Variants in TSHZ2 observed in about 807,000 individuals in gnomAD.
TSHZ2 encodes teashirt zinc finger homeobox 2.
In TSHZ2, 21 loss-of-function variants were observed where a neutral mutation model predicts 74.4. That is an observed-to-expected ratio of 0.28 (90% CI 0.20 to 0.41). The LOEUF is 0.41. Among genes scored for constraint, TSHZ2 ranks in the 10% least tolerant of loss-of-function variants. TSHZ2 has a pLI of 1.00. For synonymous variants in TSHZ2, 540 were observed against 515.3 expected (o/e 1.05, Z -0.65); for missense variants, 1,244 against 1,293.5 (o/e 0.96, Z 0.59).
At chr20:53,088,451 C>A (rs1292294277) in intron 1 of TSHZ2, among the ~76,000 whole-genome samples, 1 of 152,172 alleles carries the variant, frequency 6.6e-6, no homozygotes, top group Non-Finnish European at 1.5e-5. Context: ...AACAAATTGG[C>A]ATTAACTGAT....
intron 1 of TSHZ2, among the ~76,000 whole-genome samples, chr20:53,179,714 G>T (rs1988426467): frequency 6.6e-6 from 1 of 152,176 alleles, no homozygotes. Flanking sequence ...CGCTTGACCA[G>T]CACTGCTTCC....
chr20:53,117,394 C>G (rs538676668), intron 1 of TSHZ2, among the ~76,000 whole-genome samples: 42 of 152,294 alleles, frequency 2.8e-4, no homozygotes, highest in African/African-American at 9.6e-4. Flanking sequence ...AGGTATCAGG[C>G]TCTGTTCTAG....
chr20:53,481,630 A>C (rs894347371), intron 2 of TSHZ2, among the ~76,000 whole-genome samples: 5 of 152,066 alleles, frequency 3.3e-5, no homozygotes, highest in South Asian at 4.1e-4. Context: ...GTGTTGTCCC[A>C]AAGTGGTCCA....
At chr20:53,244,252 TGTGA>T (rs1354974448) in intron 1 of TSHZ2, among the ~76,000 whole-genome samples, 1 of 152,124 alleles carries the variant, frequency 6.6e-6, no homozygotes, top group African/African-American at 2.4e-5. Context: ...ACTATATGTG[TGTGA>T]GTGTGTTTAT....
intron 1 of TSHZ2, among the ~76,000 whole-genome samples, chr20:53,252,943 A>G (rs927677717): frequency 3.9e-5 from 6 of 152,254 alleles, no homozygotes; most frequent in Non-Finnish European, 7.3e-5. Flanking sequence ...ACAAATAAAA[A>G]TGTTATAGCA....
intron 2 of TSHZ2, among the ~76,000 whole-genome samples, chr20:53,311,196 T>G (rs1255422629): frequency 6.6e-6 from 1 of 152,254 alleles, no homozygotes; most frequent in African/African-American, 2.4e-5. Flanking sequence ...AAATTACCAT[T>G]AAAAATCTTT....
intron 2 of TSHZ2, among the ~76,000 whole-genome samples, chr20:53,264,582 T>C (rs1168944983): frequency 1.3e-5 from 2 of 152,240 alleles, no homozygotes; most frequent in Admixed American, 6.5e-5. Context: ...ATGTCCAGAA[T>C]GAGCAAGTGT....
At chr20:52,982,506 G>A (rs1435283934) in intron 1 of TSHZ2, among the ~76,000 whole-genome samples, 4 of 152,128 alleles carry the variant, frequency 2.6e-5, no homozygotes, top group Non-Finnish European at 4.4e-5. Flanking sequence ...TTTATGGGAT[G>A]TTCTTTCATA....
At chr20:53,398,304 A>C (rs966608513) in intron 2 of TSHZ2, 2 of 152,236 alleles carry the variant, frequency 1.3e-5, no homozygotes, top group Non-Finnish European at 2.9e-5. Context: ...TCTGGACATG[A>C]GAAATGTGCA....
rs1284670137 is a variant in TSHZ2 at position 53,074,605 on chromosome 20, T to G, written c.40+101272T>G. ...TGAAGAAAGGAAAGAAAATAGTGATTGCTATGTCTGAGTTTCAGGGACTCA... is the reference window on the plus strand; with the variant it reads ...TGAAGAAAGGAAAGAAAATAGTGATGGCTATGTCTGAGTTTCAGGGACTCA... On this transcript the variant is annotated intron_variant, in intron 1 of 2. Coordinates refer to ENST00000371497, the MANE Select transcript of TSHZ2 (RefSeq NM_173485.6). The surrounding 1 kb of genome is among the most constrained non-coding windows in gnomAD (Gnocchi z 5.9). Among the ~76,000 whole-genome samples the G allele has an allele frequency of 6.6e-6, 1 of 152,210 alleles. No individual in the cohort carries two copies. The highest frequency in any genetic ancestry group is 1.5e-5 in the Non-Finnish European group (1 of 68,022).
At chr20:53,219,518 C>A (rs774711055) in intron 1 of TSHZ2, among the ~76,000 whole-genome samples, 1 of 152,122 alleles carries the variant, frequency 6.6e-6, no homozygotes, top group African/African-American at 2.4e-5. Flanking sequence ...ATTGATAAAG[C>A]TTTGGAGATG....
intron 2 of TSHZ2, among the ~76,000 whole-genome samples, chr20:53,402,780 C>T (rs1982713531): frequency 6.6e-6 from 1 of 152,084 alleles, no homozygotes. Flanking sequence ...GTTGGGGAAA[C>T]ATCAGGAAGG....
intron 2 of TSHZ2, among the ~76,000 whole-genome samples, chr20:53,382,717 C>T (rs901587217): frequency 6.6e-6 from 1 of 152,208 alleles, no homozygotes; most frequent in African/African-American, 2.4e-5. Flanking sequence ...AGACCAGGAT[C>T]ATATAGTTCT....
rs372089009 is a variant in TSHZ2, at chr20:53,087,040, C to G, written c.40+113707C>G. On this transcript the variant is annotated intron_variant, in intron 1 of 2. Transcript: ENST00000371497. ...AAGCATGGCTCTGCGGAGAAAGGAA[C>G]CTATGAGTAGACTCATAGGAAGTGA... Among the ~76,000 whole-genome samples, 74 of 152,176 alleles carry G rather than the reference C, an allele frequency of 4.9e-4. 2 individuals are homozygous for G. The highest frequency in any genetic ancestry group is 1.7e-3 in the African/African-American group (70 of 41,512).
chr20:53,217,548 G>A (rs1219810838), intron 1 of TSHZ2, among the ~76,000 whole-genome samples: 2 of 152,184 alleles, frequency 1.3e-5, no homozygotes, highest in Non-Finnish European at 2.9e-5. Context: ...AGAAAGTGCA[G>A]AGAGCCAGGC....
intron 1 of TSHZ2, among the ~76,000 whole-genome samples, chr20:53,089,315 A>ATTTT (rs1446518135): frequency 9.2e-6 from 1 of 109,272 alleles, no homozygotes; most frequent in African/African-American, 4.0e-5. Flanking sequence ...CAGGAATGGG[A>ATTTT]TTTTCTTTTT....
rs745373608 is a variant in TSHZ2 at position 53,254,982 on chromosome 20, T to C, written c.1524T>C (p.Asp508=). 6.2e-7 allele frequency: 1 copy of C among 1,614,202 alleles called. No individual in the cohort carries two copies. Among genetic ancestry groups the C allele is most frequent in the South Asian group, 1.1e-5 (1 of 91,072 alleles). The change falls in exon 2 of 3, where the codon GAT becomes GAC. Residue 508 remains aspartate (D), a synonymous_variant. Coordinates refer to ENST00000371497, the MANE Select transcript of TSHZ2 (RefSeq NM_173485.6). ...YQYLREEDLE[D]GSKGGGDILK... ...ACCTAAGGGAGGAAGACTTGGAAGA[T>C]GGCTCAAAGGGTGGAGGGGACATTT...
rs200356396 is a variant in TSHZ2, at chr20:53,256,505, C to A, written c.3047C>A (p.Thr1016Lys). The A allele has an allele frequency of 4.3e-6, 7 of 1,612,368 alleles. No homozygotes were observed. In the East Asian group the frequency reaches 1.6e-4, roughly 36 times the overall value. ...KHAVKLHLSK[T>K]HSKSPEHHSQ... is the part of the protein sequence containing the mutation. ...GCGGTAAAACTCCACCTAAGCAAAA[C>A]GCACAGCAAGTCACCCGAACACCAT... The change falls in exon 2 of 3, where the codon ACG becomes AAG. Residue 1016 changes from threonine to lysine, a missense_variant. By Grantham distance (78) the Thr-to-Lys change is moderately conservative. Coordinates refer to ENST00000371497, the MANE Select transcript of TSHZ2 (RefSeq NM_173485.6). This position sits in a 1 kb window ranked among gnomAD's most constrained non-coding sequence, Gnocchi z 4.3.
intron 2 of TSHZ2, among the ~76,000 whole-genome samples, chr20:53,284,697 T>G (rs909718504): frequency 6.6e-6 from 1 of 151,956 alleles, no homozygotes; most frequent in Non-Finnish European, 1.5e-5. Context: ...TGTTGGGATT[T>G]TCCCCCCTAC....
Sources: gnomAD v4.1 joint callset for allele counts (sites outside exome capture counted in the v4.1 genomes callset) on GRCh38, gnomAD v4.1.1 for gene constraint, Gnocchi (gnomAD v3.1) non-coding constraint, MANE v1.5 for transcripts, NCBI Gene and HGNC (gene_info 2026-07-23, HGNC 2026-07-21) for gene names.